Variants in RBFOX1 observed in about 807,000 individuals in gnomAD.
The protein encoded by RBFOX1 is RNA binding protein fox-1 homolog 1.
RBFOX1 carries 8 observed loss-of-function variants against 57.7 expected under a neutral mutation model. The ratio of observed to expected loss-of-function variants is 0.14; its 90% confidence interval spans 0.08 to 0.25. The LOEUF (loss-of-function observed/expected upper bound fraction) is 0.25, where lower values mean the gene tolerates loss of function less well. Ranked by LOEUF, RBFOX1 falls within the 10% of genes least tolerant of loss-of-function variation. The pLI, the probability that RBFOX1 is intolerant of heterozygous loss-of-function variation, is 1.00. For synonymous variants in RBFOX1, 326 were observed against 222.4 expected (o/e 1.47, Z -4.15); for missense variants, 611 against 548.5 (o/e 1.11, Z -1.14).
Position 6,019,438 on chromosome 16 carries a change from G to A in RBFOX1, c.-681G>A, listed in dbSNP as rs1262331400. The A allele has an allele frequency of 4.0e-6, 4 of 988,932 alleles. No homozygotes were observed. The highest frequency in any genetic ancestry group is 4.8e-6 in the Non-Finnish European group (4 of 832,642). The allele number at this position is 988,932 out of a possible 1,614,324, so 61.3% of individuals were successfully genotyped here. On this transcript the variant is annotated 5_prime_UTR_variant, in exon 1 of 16. Transcript: ENST00000550418. This position sits in a 1 kb window ranked among gnomAD's most constrained non-coding sequence, Gnocchi z 4.2. ...ACGGCGGACGGAGCCCAGGGGCCGCGTCGGGTGGGGAAACCCGAACTCGCG... is the reference window on the plus strand; with the variant it reads ...ACGGCGGACGGAGCCCAGGGGCCGCATCGGGTGGGGAAACCCGAACTCGCG...
intron 3 of RBFOX1, among the ~76,000 whole-genome samples, chr16:7,033,335 C>G (rs1285568247): frequency 6.6e-6 from 1 of 152,148 alleles, no homozygotes; most frequent in East Asian, 1.9e-4. Context: ...GCCTGGCTGA[C>G]ATGGTGAAAC....
chr16:7,372,990 G>T (rs971605112), intron 4 of RBFOX1, among the ~76,000 whole-genome samples: 8 of 151,424 alleles, frequency 5.3e-5, no homozygotes, highest in Non-Finnish European at 1.0e-4. Flanking sequence ...GGAGTGCAGT[G>T]GTGCATTCTT....
intron 2 of RBFOX1, among the ~76,000 whole-genome samples, chr16:6,410,467 A>G (rs2093424233): frequency 6.6e-6 from 1 of 151,654 alleles, no homozygotes; most frequent in South Asian, 2.1e-4. Context: ...GCCTGCCACA[A>G]TGCACGGCTA....
At chr16:6,834,283 C>T (rs1043760799) in intron 3 of RBFOX1, among the ~76,000 whole-genome samples, 3 of 152,022 alleles carry the variant, frequency 2.0e-5, no homozygotes, top group African/African-American at 7.2e-5. Flanking sequence ...ACCACGTTGG[C>T]CAGGCTGGTC....
chr16:6,563,240 G>T (rs969195831), intron 2 of RBFOX1, among the ~76,000 whole-genome samples: 2 of 152,068 alleles, frequency 1.3e-5, no homozygotes, highest in African/African-American at 4.8e-5. Context: ...TTAGCATCCT[G>T]TGCAACACGC....
At chr16:5,613,697 T>C (rs1392472822) in intron 3 of RBFOX1, among the ~76,000 whole-genome samples, 1 of 152,204 alleles carries the variant, frequency 6.6e-6, no homozygotes, top group Admixed American at 6.5e-5. Flanking sequence ...GTTCCATCAC[T>C]GAGTGGAAAG....
chr16:7,013,530 A>G (rs1398838671), intron 3 of RBFOX1, among the ~76,000 whole-genome samples: 1 of 152,170 alleles, frequency 6.6e-6, no homozygotes, highest in Non-Finnish European at 1.5e-5. Flanking sequence ...AAAGCAAAGA[A>G]TTGTCTGTAT....
chr16:6,953,353 A>C (rs539427011), intron 3 of RBFOX1, among the ~76,000 whole-genome samples: 16 of 149,610 alleles, frequency 1.1e-4, no homozygotes, highest in Admixed American at 9.3e-4. Flanking sequence ...CATAGAGATC[A>C]CAATGTTTCC....
intron 2 of RBFOX1, among the ~76,000 whole-genome samples, chr16:6,326,550 A>G (rs2082392028): frequency 6.6e-6 from 1 of 152,066 alleles, no homozygotes; most frequent in Non-Finnish European, 1.5e-5. Context: ...CATCCTTCTC[A>G]GAGGGCATTC....
At chr16:5,940,548 T>C (rs888151812) in intron 4 of RBFOX1, among the ~76,000 whole-genome samples, 1 of 152,224 alleles carries the variant, frequency 6.6e-6, no homozygotes, top group African/African-American at 2.4e-5. Context: ...AGAATTTTAA[T>C]GACAGCTTGC....
intron 4 of RBFOX1, among the ~76,000 whole-genome samples, chr16:7,513,260 T>C (rs1030424565): frequency 6.2e-5 from 5 of 80,132 alleles, no homozygotes; most frequent in African/African-American, 9.1e-5. Context: ...CAAAACTCTG[T>C]GTCAAAAAAA....
intron 2 of RBFOX1, among the ~76,000 whole-genome samples, chr16:6,648,820 T>C (rs1190049924): frequency 6.6e-6 from 1 of 152,212 alleles, no homozygotes; most frequent in Non-Finnish European, 1.5e-5. Flanking sequence ...CTGGGTATTT[T>C]TCTTTGCTTA....
intron 3 of RBFOX1, among the ~76,000 whole-genome samples, chr16:6,780,811 G>C (rs1026142471): frequency 1.3e-5 from 2 of 151,714 alleles, no homozygotes; most frequent in African/African-American, 4.8e-5. Flanking sequence ...TGTCTATTCA[G>C]ATGTTTGCTC....
At chr16:5,732,945 G>A (rs2052435279) in intron 3 of RBFOX1, among the ~76,000 whole-genome samples, 1 of 152,146 alleles carries the variant, frequency 6.6e-6, no homozygotes. Flanking sequence ...TCAACTTGGT[G>A]GGTTGAGCTT....
chr16:5,757,474 C>T (rs886724857), intron 3 of RBFOX1, among the ~76,000 whole-genome samples: 1 of 152,066 alleles, frequency 6.6e-6, no homozygotes, highest in African/African-American at 2.4e-5. Context: ...TTGTGATCTG[C>T]CCTCCTCAGC....
intron 2 of RBFOX1, among the ~76,000 whole-genome samples, chr16:6,357,005 G>A (rs979426845): frequency 1.3e-5 from 2 of 152,084 alleles, no homozygotes; most frequent in African/African-American, 4.8e-5. Context: ...CCCGTGCCCT[G>A]GGCCAAGACT....
intron 3 of RBFOX1, among the ~76,000 whole-genome samples, chr16:6,941,558 A>T (rs2078519510): frequency 6.6e-6 from 1 of 152,000 alleles, no homozygotes; most frequent in South Asian, 2.1e-4. Flanking sequence ...CTGTCCACCA[A>T]GAGACTTGAA....
intron 2 of RBFOX1, among the ~76,000 whole-genome samples, chr16:5,598,214 ACT>A (rs1339130194): frequency 6.9e-6 from 1 of 144,500 alleles, no homozygotes; most frequent in Non-Finnish European, 1.5e-5. Context: ...ACAGAGGGAG[ACT>A]CTGTCTCAAA....
At chr16:5,991,645 G>GTTTCTTT (rs1567229409) in intron 4 of RBFOX1, among the ~76,000 whole-genome samples, 1 of 123,934 alleles carries the variant, frequency 8.1e-6, no homozygotes, top group Non-Finnish European at 1.8e-5. Context: ...TTATTAGATA[G>GTTTCTTT]TTTTTTTTTT....
Sources: gnomAD v4.1 joint callset for allele counts (sites outside exome capture counted in the v4.1 genomes callset) on GRCh38, gnomAD v4.1.1 for gene constraint, Gnocchi (gnomAD v3.1) non-coding constraint, MANE v1.5 for transcripts, NCBI Gene and HGNC (gene_info 2026-07-23, HGNC 2026-07-21) for gene names.